COP1: variants seen among roughly 807,000 people sequenced by gnomAD.
COP1 encodes COP1 E3 ubiquitin ligase.
A neutral mutation model predicts 101.3 loss-of-function variants in COP1; 24 were observed. The ratio of observed to expected loss-of-function variants is 0.24; its 90% CI spans 0.17 to 0.33. The LOEUF (loss-of-function observed/expected upper bound fraction) is 0.33. Ranked by LOEUF, COP1 falls within the 10% of genes least tolerant of loss-of-function variation. COP1 has a pLI of 1.00. For synonymous variants in COP1, 347 were observed against 341.9 expected, an observed-to-expected ratio of 1.01 and a Z score of -0.17; for missense variants, 663 against 906.2, an observed-to-expected ratio of 0.73 and a Z score of 3.45.
At chr1:176,056,703 A>G (rs1275587589) in intron 11 of COP1, among the ~76,000 whole-genome samples, 1 of 152,196 alleles carries the variant, frequency 6.6e-6, no homozygotes, top group Non-Finnish European at 1.5e-5. Flanking sequence ...TAAATTTATC[A>G]ATCACGTTTA....
chr1:176,109,073 C>T (rs917730506), intron 9 of COP1, among the ~76,000 whole-genome samples: 2 of 152,046 alleles, frequency 1.3e-5, no homozygotes, highest in African/African-American at 4.8e-5. Context: ...GATCACGTCA[C>T]TGCACTCCAG....
chr1:176,036,330 G>A (rs12042385), intron 14 of COP1, among the ~76,000 whole-genome samples: 1 of 151,616 alleles, frequency 6.6e-6, no homozygotes, highest in African/African-American at 2.4e-5. Context: ...GAAAATTACA[G>A]AAAAATCAAC....
intron 3 of COP1, among the ~76,000 whole-genome samples, chr1:176,170,821 C>T (rs913125876): frequency 5.9e-5 from 9 of 152,064 alleles, no homozygotes; most frequent in Non-Finnish European, 1.2e-4. Flanking sequence ...TAGATGGCAT[C>T]TTCTTCCAAA....
chr1:176,059,636 C>T (rs1285239163), intron 11 of COP1, among the ~76,000 whole-genome samples: 1 of 152,036 alleles, frequency 6.6e-6, no homozygotes, highest in East Asian at 1.9e-4. Flanking sequence ...GTGCACACCA[C>T]CACACCTGGC....
rs542824333 is a variant in COP1 at position 176,090,975 on chromosome 1, A to G, written c.1027-5085T>C. Among the ~76,000 whole-genome samples, 260 of 152,356 alleles carry G rather than the reference A, an allele frequency of 1.7e-3. 1 individual carries two copies. The highest frequency in any genetic ancestry group is 5.9e-3 in the African/African-American group (247 of 41,594). On this transcript the variant is annotated intron_variant, in intron 9 of 19. Transcript: ENST00000367669. Reference sequence around the variant, plus strand: ...GGTGAAACTGTGTTTTTGTCTATACAGCAAAAATATCTTAAAACCAAAAGA... The same window carrying G: ...GGTGAAACTGTGTTTTTGTCTATACGGCAAAAATATCTTAAAACCAAAAGA...
chr1:176,065,702 T>C (rs1490627342), intron 11 of COP1, among the ~76,000 whole-genome samples: 3 of 138,100 alleles, frequency 2.2e-5, no homozygotes, highest in African/African-American at 8.0e-5. Context: ...AAGGGGATAA[T>C]GATTTTTTTT....
At chr1:175,993,175 C>T (rs957399670) in intron 15 of COP1, among the ~76,000 whole-genome samples, 19 of 152,190 alleles carry the variant, frequency 1.2e-4, no homozygotes, top group Non-Finnish European at 1.5e-5. Flanking sequence ...AGACCTGCAG[C>T]TGAGGGTCCT....
chr1:176,007,531 G>T (rs1160647960), intron 15 of COP1, among the ~76,000 whole-genome samples: 2 of 150,626 alleles, frequency 1.3e-5, no homozygotes, highest in Non-Finnish European at 3.0e-5. Flanking sequence ...TGGTGTGGAT[G>T]TCCTTTCTGT....
intron 9 of COP1, among the ~76,000 whole-genome samples, chr1:176,090,028 G>C (rs1680983296): frequency 6.6e-6 from 1 of 152,128 alleles, no homozygotes; most frequent in East Asian, 1.9e-4. Context: ...TGCCTCTAAA[G>C]GTAGCCACCT....
At chr1:176,028,002 T>C (rs1048590394) in intron 14 of COP1, among the ~76,000 whole-genome samples, 2 of 151,868 alleles carry the variant, frequency 1.3e-5, no homozygotes, top group Non-Finnish European at 2.9e-5. Context: ...ATGTCTTACC[T>C]GGGGGCAGGC....
At chr1:176,022,951 T>G (rs1482176969) in intron 15 of COP1, among the ~76,000 whole-genome samples, 1 of 152,246 alleles carries the variant, frequency 6.6e-6, no homozygotes, top group Non-Finnish European at 1.5e-5. Flanking sequence ...GTTCTCCTTG[T>G]GCTTTGAATG....
chr1:176,043,886 A>G lies in COP1; in HGVS notation c.1422-68T>C, dbSNP rs948935087. 11 of 920,252 alleles carry G rather than the reference A, an allele frequency of 1.2e-5. No individual in the cohort carries two copies. In the Admixed American group the frequency reaches 2.0e-4, roughly 17 times the overall value. 57.0% of individuals were successfully genotyped at this position (920,252 alleles called of 1,614,324 possible). Reference sequence around the variant, plus strand: ...TAACAATGGGATAAAAATAATTTTAATGTGTTCAGAAAGATTTGCACTATT... The same window carrying G: ...TAACAATGGGATAAAAATAATTTTAGTGTGTTCAGAAAGATTTGCACTATT... On this transcript the variant is annotated intron_variant, in intron 12 of 19. Transcript: ENST00000367669.
chr1:175,966,305 ACACACACAC>A (rs1184373592), intron 18 of COP1, among the ~76,000 whole-genome samples: 3 of 151,904 alleles, frequency 2.0e-5, no homozygotes, highest in East Asian at 1.9e-4. Context: ...ACACACACAC[ACACACACAC>A]AAACACTTAA....
chr1:176,106,231 A>T, intron 9 of COP1, among the ~76,000 whole-genome samples: 1 of 152,086 alleles, frequency 6.6e-6, no homozygotes, highest in East Asian at 1.9e-4. Context: ...AGGTTTCTCC[A>T]TGTCGGCCAG....
In COP1 at chr1:176,207,101, C is replaced by T. The variant is rs571956266; in HGVS notation, c.-123G>A. ...GACGCCCGCCGAGCCGGAGGTGGGG[C>T]TGAGGAACAATAAAGTTGCGTTTTT... On this transcript the variant is annotated 5_prime_UTR_variant, in exon 1 of 20. Coordinates refer to ENST00000367669, the MANE Select transcript of COP1 (RefSeq NM_022457.7). The T allele has an allele frequency of 1.3e-6, 1 of 756,212 alleles. No individual in the cohort carries two copies. The highest frequency in any genetic ancestry group is 1.8e-5 in the African/African-American group (1 of 54,092). The allele number at this position is 756,212 out of a possible 1,614,324, so 46.8% of individuals were successfully genotyped here. A position where few individuals can be genotyped will look rare whatever the true frequency, so the allele number is the denominator to read the frequency against.
At chr1:176,177,247 T>C (rs935707101) in intron 2 of COP1, among the ~76,000 whole-genome samples, 4 of 151,870 alleles carry the variant, frequency 2.6e-5, no homozygotes, top group Non-Finnish European at 5.9e-5. Context: ...TCTATAATGT[T>C]AAACCTTTTA....
chr1:176,026,628 C>T (rs960894360), intron 15 of COP1, among the ~76,000 whole-genome samples: 3 of 152,062 alleles, frequency 2.0e-5, no homozygotes, highest in African/African-American at 7.2e-5. Context: ...CCTCCTTAAA[C>T]TGAACTATGA....
intron 15 of COP1, among the ~76,000 whole-genome samples, chr1:176,026,899 G>A (rs2149064754): frequency 6.6e-6 from 1 of 152,172 alleles, no homozygotes; most frequent in African/African-American, 2.4e-5. Flanking sequence ...TAAGGGTAGG[G>A]TGACCATATG....
At chr1:176,195,997 C>A (rs1229211641) in intron 1 of COP1, among the ~76,000 whole-genome samples, 3 of 152,154 alleles carry the variant, frequency 2.0e-5, no homozygotes, top group Non-Finnish European at 4.4e-5. Flanking sequence ...CAAACCTGTG[C>A]ATGTACAGGT....
Sources: gnomAD v4.1 joint callset for allele counts (sites outside exome capture counted in the v4.1 genomes callset) on GRCh38, gnomAD v4.1.1 for gene constraint, MANE v1.5 for transcripts, NCBI Gene and HGNC (gene_info 2026-07-23, HGNC 2026-07-21) for gene names.